HEXB: variants seen among roughly 807,000 people sequenced by gnomAD.
The protein encoded by HEXB is hexosaminidase subunit beta, also known as beta-hexosaminidase subunit beta.
In HEXB, 51 loss-of-function variants were observed where a neutral mutation model predicts 71.2. The observed-to-expected ratio is 0.72, with a 90% confidence interval of 0.57 to 0.90. The LOEUF (loss-of-function observed/expected upper bound fraction) is 0.90. HEXB is among the 40% of genes least tolerant of loss of function. HEXB has a pLI of 0.00. For synonymous variants in HEXB, 266 were observed against 249.3 expected (o/e 1.07, Z -0.63); for missense variants, 617 against 677.0 (o/e 0.91, Z 0.98).
chr5:74,642,117 T>C (rs1157215870), intron 1 of HEXB, among the ~76,000 whole-genome samples: 1 of 152,238 alleles, frequency 6.6e-6, no homozygotes, highest in Non-Finnish European at 1.5e-5. Flanking sequence ...CTGTCAGTTC[T>C]TCATTCTAAT....
rs115331871 is a variant in HEXB at position 74,654,602 on chromosome 5, C to T, written c.-377+14044C>T. ...TTCTAGGCAGATGAGGGAAGGCTTT[C>T]AGGAGGAGGTGATTTCTGAGCTGGG... On this transcript the variant is annotated intron_variant, in intron 1 of 13. Transcript: ENST00000511181. Among the ~76,000 whole-genome samples, 1,247 of 152,138 alleles carry T rather than the reference C, an allele frequency of 8.2e-3. 10 individuals carry two copies. Among genetic ancestry groups the T allele is most frequent in the Non-Finnish European group, 0.013 (890 of 67,998 alleles).
At chr5:74,665,860 A>G (rs1393831101) in intron 1 of HEXB, among the ~76,000 whole-genome samples, 1 of 152,194 alleles carries the variant, frequency 6.6e-6, no homozygotes, top group Non-Finnish European at 1.5e-5. Context: ...CAAGTTTATA[A>G]ACCAACACAT....
intron 10 of HEXB, 34 bp from the exon 11 acceptor site, chr5:74,718,763 T>A (rs1749736652): frequency 6.2e-7 from 1 of 1,601,440 alleles, no homozygotes; most frequent in Non-Finnish European, 8.6e-7. Context: ...GTTCTAGGCC[T>A]AATAATATGT....
chr5:74,685,814 T>C (rs972481282), intron 1 of HEXB, among the ~76,000 whole-genome samples: 6 of 152,060 alleles, frequency 3.9e-5, no homozygotes, highest in African/African-American at 4.8e-5. Context: ...GGGAGTTTGC[T>C]CTGAGGCCTT....
chr5:74,715,735 G>C lies in HEXB; in HGVS notation c.1082+45G>C, dbSNP rs201511838. 69 of 1,288,000 alleles carry C rather than the reference G, an allele frequency of 5.4e-5. 1 individual carries two copies. The East Asian group carries it at 1.4e-3, about 26-fold the overall frequency. 79.8% of individuals were successfully genotyped at this position (1,288,000 alleles called of 1,614,324 possible). A position where few individuals can be genotyped will look rare whatever the true frequency, so the allele number is the denominator to read the frequency against. On this transcript the variant is annotated intron_variant, in intron 8 of 13. Coordinates refer to ENST00000261416, the MANE Select transcript of HEXB (RefSeq NM_000521.4). Reference sequence around the variant, plus strand: ...CCCCTTTAAAAAAAAAAAAAAGAGAGGCTGGGTGCGGTGGCTCACGCCTAT... The same window carrying C: ...CCCCTTTAAAAAAAAAAAAAAGAGACGCTGGGTGCGGTGGCTCACGCCTAT...
At chr5:74,673,257 C>A (rs1159897851) in intron 1 of HEXB, among the ~76,000 whole-genome samples, 1 of 152,214 alleles carries the variant, frequency 6.6e-6, no homozygotes, top group African/African-American at 2.4e-5. Context: ...CCCTTCTGGA[C>A]AGGCCAGTTT....
intron 1 of HEXB, among the ~76,000 whole-genome samples, chr5:74,642,719 C>G (rs990245055): frequency 1.3e-5 from 2 of 151,846 alleles, no homozygotes; most frequent in Admixed American, 6.6e-5. Context: ...GAACTAGGGA[C>G]AGGTATGTAT....
At chr5:74,665,875 A>T (rs1748423199) in intron 1 of HEXB, among the ~76,000 whole-genome samples, 1 of 152,174 alleles carries the variant, frequency 6.6e-6, no homozygotes, top group Non-Finnish European at 1.5e-5. Context: ...ACACATCAAC[A>T]ATTCTCAGTC....
At chr5:74,686,178 T>C (rs1748867382) in intron 1 of HEXB, among the ~76,000 whole-genome samples, 1 of 152,194 alleles carries the variant, frequency 6.6e-6, no homozygotes, top group Non-Finnish European at 1.5e-5. Context: ...ACACCGATCA[T>C]GTTGCCTGCT....
intron 1 of HEXB, among the ~76,000 whole-genome samples, chr5:74,644,034 A>G (rs1443856694): frequency 6.6e-6 from 1 of 152,180 alleles, no homozygotes; most frequent in Admixed American, 6.5e-5. Flanking sequence ...CCCACCAAAG[A>G]TTTGTGCTCC....
rs1269214819 is a variant in HEXB, at chr5:74,641,431, A to G, written c.-377+873A>G. 6.6e-6 allele frequency: 1 copy of G among 152,308 alleles called. No homozygotes were observed. Among genetic ancestry groups the G allele is most frequent in the African/African-American group, 2.4e-5 (1 of 41,470 alleles). 9.4% of individuals were successfully genotyped at this position (152,308 alleles called of 1,614,324 possible). A position where few individuals can be genotyped will look rare whatever the true frequency, so the allele number is the denominator to read the frequency against. Reference sequence around the variant, plus strand: ...GCACCCCCGGCTGGACTCTGCCCTAAGCCAGGCGACTGCAGGGGCAGCCGG... The same window carrying G: ...GCACCCCCGGCTGGACTCTGCCCTAGGCCAGGCGACTGCAGGGGCAGCCGG... On this transcript the variant is annotated intron_variant, in intron 1 of 13. Coordinates refer to the HEXB transcript ENST00000511181. This position sits in a 1 kb window ranked among gnomAD's most constrained non-coding sequence, Gnocchi z 4.1.
intron 9 of HEXB, among the ~76,000 whole-genome samples, chr5:74,717,428 C>G (rs72764640): frequency 0.074 from 11,220 of 151,762 alleles, 613 homozygotes; most frequent in East Asian, 0.16. Flanking sequence ...AGCCACATGT[C>G]AAGTGTTCAG....
At chr5:74,647,346 C>A (rs777829721) in intron 1 of HEXB, among the ~76,000 whole-genome samples, 2 of 152,318 alleles carry the variant, frequency 1.3e-5, no homozygotes, top group East Asian at 3.9e-4. Context: ...AAGAAGGGAC[C>A]TTTGTGGTCC....
intron 9 of HEXB, among the ~76,000 whole-genome samples, chr5:74,717,961 T>C (rs1362294027): frequency 6.6e-6 from 1 of 152,200 alleles, no homozygotes; most frequent in Non-Finnish European, 1.5e-5. Flanking sequence ...AAGACAGCCA[T>C]AAAATTGTAA....
chr5:74,661,006 G>T (rs1369924617), intron 1 of HEXB, among the ~76,000 whole-genome samples: 1 of 152,154 alleles, frequency 6.6e-6, no homozygotes, highest in Non-Finnish European at 1.5e-5. Flanking sequence ...AAATCCATGG[G>T]TCAGTGAGAG....
At chr5:74,696,316 C>A (rs1377129583) in intron 3 of HEXB, among the ~76,000 whole-genome samples, 3 of 152,114 alleles carry the variant, frequency 2.0e-5, no homozygotes, top group African/African-American at 7.2e-5. Flanking sequence ...CATTTAGATA[C>A]CTTCTAAAAG....
rs1397888878 is a variant in HEXB, at chr5:74,696,742, A to T, written c.558+3A>T. The T allele has an allele frequency of 7.2e-7, 1 of 1,395,154 alleles. No individual in the cohort carries two copies. Among genetic ancestry groups the T allele is most frequent in the African/African-American group, 1.4e-5 (1 of 70,834 alleles). The allele number at this position is 1,395,154 out of a possible 1,614,324, so 86.4% of individuals were successfully genotyped here. A position where few individuals can be genotyped will look rare whatever the true frequency, so the allele number is the denominator to read the frequency against. On this transcript the variant is annotated splice_donor_region_variant and intron_variant, in intron 4 of 13. Coordinates refer to ENST00000261416, the MANE Select transcript of HEXB (RefSeq NM_000521.4). ...TTTATCAAGATTCTTATGGAACTGTAAGTATGATTATTATATGTTACTAAA... is the reference window on the plus strand; with the variant it reads ...TTTATCAAGATTCTTATGGAACTGTTAGTATGATTATTATATGTTACTAAA...
At chr5:74,689,732 G>T in intron 2 of HEXB, 1 of 491,300 alleles carries the variant, frequency 2.0e-6, no homozygotes, top group Non-Finnish European at 3.6e-6. Context: ...TGTCATTTTA[G>T]GTGTATTTTT....
At position 74,685,319 on chromosome 5, in the gene HEXB, C is replaced by A. The variant is rs865822685; in HGVS notation, c.59C>A (p.Ala20Glu). ...CCCATGCTGCTGGCGCTGCTGTTGG[C>A]GACACTGCTGGCGGCGATGTTGGCG... ...RPPMLLALLL[A>E]TLLAAMLALL... The change falls in exon 1 of 14, where the codon GCG becomes GAG. Residue 20 changes from alanine (A) to glutamate (E), a missense_variant. Coordinates refer to ENST00000261416, the MANE Select transcript of HEXB (RefSeq NM_000521.4). 10 of 1,571,326 alleles carry A rather than the reference C, an allele frequency of 6.4e-6. No homozygotes were observed. In the South Asian group the frequency reaches 6.9e-5, roughly 11 times the overall value.
Sources: gnomAD v4.1 joint callset for allele counts (sites outside exome capture counted in the v4.1 genomes callset) on GRCh38, gnomAD v4.1.1 for gene constraint, Gnocchi (gnomAD v3.1) non-coding constraint, MANE v1.5 for transcripts, NCBI Gene and HGNC (gene_info 2026-07-23, HGNC 2026-07-21) for gene names.